Variants in EIF4B observed in about 807,000 individuals in gnomAD.
The protein encoded by EIF4B is eukaryotic translation initiation factor 4B.
In EIF4B, 8 loss-of-function variants were observed where a neutral mutation model predicts 79.3. The observed-to-expected ratio is 0.10, with a 90% CI of 0.06 to 0.18. EIF4B has a LOEUF of 0.18. Among genes scored for constraint, EIF4B ranks in the 10% least tolerant of loss-of-function variants. EIF4B has a pLI of 1.00. For missense variants in EIF4B, 515 were observed against 792.4 expected, an observed-to-expected ratio of 0.65 and a Z score of 4.20; for synonymous variants, 238 against 274.7, an observed-to-expected ratio of 0.87 and a Z score of 1.32.
intron 1 of EIF4B, among the ~76,000 whole-genome samples, chr12:53,008,382 G>A (rs896839495): frequency 6.6e-6 from 1 of 152,150 alleles, no homozygotes; most frequent in Non-Finnish European, 1.5e-5. Flanking sequence ...GCTGGTACTG[G>A]TATCTGAGCA....
chr12:53,010,301 T>C (rs753671868), intron 1 of EIF4B, among the ~76,000 whole-genome samples: 2 of 152,230 alleles, frequency 1.3e-5, no homozygotes, highest in Admixed American at 6.5e-5. Flanking sequence ...TGACTCAGTC[T>C]TTACTATGCT....
At chr12:53,034,128 A>G (rs1265217241) in intron 9 of EIF4B, 94 bp downstream of exon 9, 4 of 1,296,692 alleles carry the variant, frequency 3.1e-6, no homozygotes, top group Non-Finnish European at 4.3e-6. Context: ...TTGTGTCGTT[A>G]TCACATTAGT....
rs764748841 is a variant in EIF4B at position 53,021,679 on chromosome 12, T to G, written c.478-127T>G. ...TTAGCCCACAAATTGGAGTGTTAGC[T>G]AGATTACAGTGTTTTCCTTTATCTT... On this transcript the variant is annotated intron_variant, in intron 4 of 14. Coordinates refer to ENST00000262056, the MANE Select transcript of EIF4B (RefSeq NM_001417.7). The G allele has an allele frequency of 3.7e-6, 4 of 1,083,294 alleles. No individual in the cohort carries two copies. The African/African-American group carries it at 4.7e-5, about 13-fold the overall frequency. The allele number at this position is 1,083,294 out of a possible 1,614,324, so 67.1% of individuals were successfully genotyped here.
intron 2 of EIF4B, among the ~76,000 whole-genome samples, chr12:53,017,547 T>C (rs750912215): frequency 6.6e-6 from 1 of 152,188 alleles, no homozygotes; most frequent in South Asian, 2.1e-4. Flanking sequence ...AATCGTTTAT[T>C]GCATGCTGAA....
At chr12:53,025,561 C>G (rs1943319821) in intron 6 of EIF4B, among the ~76,000 whole-genome samples, 1 of 152,166 alleles carries the variant, frequency 6.6e-6, no homozygotes, top group African/African-American at 2.4e-5. Flanking sequence ...ACAAGCTTAT[C>G]ATAATTTCAG....
chr12:53,022,001 G>A, intron 5 of EIF4B, 141 bp downstream of exon 5: 2 of 935,398 alleles, frequency 2.1e-6, no homozygotes, highest in East Asian at 2.6e-5. Flanking sequence ...TTGCCCCACA[G>A]GGGACTTCTG....
chr12:53,022,418 G>C (rs1943260590), intron 5 of EIF4B, 75 bp from the exon 6 acceptor site: 1 of 1,592,196 alleles, frequency 6.3e-7, no homozygotes, highest in Non-Finnish European at 8.6e-7. Context: ...TAAAATGGGG[G>C]TTTTCTATGT....
chr12:53,022,369 A>G, intron 5 of EIF4B, 124 bp from the exon 6 acceptor site: 1 of 1,373,448 alleles, frequency 7.3e-7, no homozygotes, highest in Non-Finnish European at 1.0e-6. Context: ...GGCCTGAGGT[A>G]ACTGGGATGA....
intron 10 of EIF4B, among the ~76,000 whole-genome samples, chr12:53,036,066 G>A (rs983056012): frequency 6.8e-6 from 1 of 147,972 alleles, no homozygotes; most frequent in Admixed American, 7.0e-5. Flanking sequence ...TTACAGACGT[G>A]AGCCACCATG....
chr12:53,007,805 T>G (rs1942994167), intron 1 of EIF4B, among the ~76,000 whole-genome samples: 1 of 152,236 alleles, frequency 6.6e-6, no homozygotes, highest in Non-Finnish European at 1.5e-5. Flanking sequence ...TGAACATCTT[T>G]CATTGGTGTA....
intron 6 of EIF4B, 106 bp downstream of exon 6, chr12:53,022,733 G>A (rs1200245021): frequency 2.2e-6 from 3 of 1,348,116 alleles, no homozygotes; most frequent in Non-Finnish European, 2.9e-6. Context: ...GATAGAAGGA[G>A]GAAAGCAGAT....
chr12:53,016,638 G>T, intron 2 of EIF4B, 28 bp downstream of exon 2: 1 of 1,545,408 alleles, frequency 6.5e-7, no homozygotes, highest in Non-Finnish European at 8.7e-7. Context: ...ATCGTGTTTG[G>T]AATGTTTATT....
chr12:53,040,043 AC>A, intron 14 of EIF4B, 99 bp from the exon 15 acceptor site: 1 of 1,349,670 alleles, frequency 7.4e-7, no homozygotes, highest in Non-Finnish European at 1.1e-6. Context: ...GTGTCATCTG[AC>A]TGTCATCCCC....
chr12:53,028,759 T>C (rs1361740812), intron 8 of EIF4B, among the ~76,000 whole-genome samples: 7 of 152,098 alleles, frequency 4.6e-5, no homozygotes, highest in Admixed American at 4.6e-4. Context: ...TTAGCTCCAT[T>C]TTCCAAGTAA....
At chr12:53,022,916 C>T (rs556951177) in intron 6 of EIF4B, among the ~76,000 whole-genome samples, 7 of 152,162 alleles carry the variant, frequency 4.6e-5, no homozygotes, top group African/African-American at 1.4e-4. Flanking sequence ...ATAATCCCAA[C>T]GCTTTGGGAG....
intron 8 of EIF4B, 39 bp from the exon 9 acceptor site, chr12:53,033,767 T>A (rs368167338): frequency 5.8e-6 from 9 of 1,545,098 alleles, no homozygotes; most frequent in South Asian, 1.3e-5. Flanking sequence ...CAGCTTCTGG[T>A]GATTGGAAAA....
intron 1 of EIF4B, among the ~76,000 whole-genome samples, chr12:53,010,936 G>A (rs1204274090): frequency 1.3e-5 from 2 of 152,134 alleles, no homozygotes; most frequent in African/African-American, 4.8e-5. Context: ...TTTATTCAAT[G>A]TAATTTGTAT....
intron 10 of EIF4B, among the ~76,000 whole-genome samples, chr12:53,036,677 G>A (rs1250341423): frequency 6.6e-6 from 1 of 151,966 alleles, no homozygotes; most frequent in African/African-American, 2.4e-5. Context: ...TCCCAATGGG[G>A]GCTCCTTGTT....
In EIF4B at chr12:53,033,207, C is replaced by T. The variant is rs570815177; in HGVS notation, c.980-599C>T. 2.1e-4 allele frequency among the ~76,000 whole-genome samples: 31 copies of T among 146,492 alleles called. No individual in the cohort carries two copies. The South Asian group carries it at 4.4e-3, about 21-fold the overall frequency. ...GCTAATTTTTTATTTTTACTAGAGACGGGGTTTCTCCATGTTGGTTGTGTT... is the reference window on the plus strand; with the variant it reads ...GCTAATTTTTTATTTTTACTAGAGATGGGGTTTCTCCATGTTGGTTGTGTT... On this transcript the variant is annotated intron_variant, in intron 8 of 14. Coordinates refer to ENST00000262056, the MANE Select transcript of EIF4B (RefSeq NM_001417.7).
Sources: allele counts gnomAD v4.1 joint callset (sites outside exome capture counted in the v4.1 genomes callset), GRCh38; gene constraint gnomAD v4.1.1; transcripts MANE v1.5; gene names NCBI Gene and HGNC (gene_info 2026-07-23, HGNC 2026-07-21).